Variants in RASGEF1C observed in about 807,000 individuals in gnomAD.
RASGEF1C encodes ras-GEF domain-containing family member 1C.
Under a neutral mutation model 58.1 loss-of-function variants are expected in RASGEF1C, and 27 were observed. The observed-to-expected ratio is 0.46, with a 90% CI of 0.34 to 0.64. The LOEUF is 0.64. Ranked by LOEUF, RASGEF1C falls within the 30% of genes least tolerant of loss-of-function variation. The probability of loss-of-function intolerance (pLI) is 0.01; values close to 1 mark genes in which losing one functional copy is unlikely to be tolerated. For synonymous variants in RASGEF1C, 243 were observed against 246.3 expected, an observed-to-expected ratio of 0.99 and a Z score of 0.13; for missense variants, 502 against 605.1, an observed-to-expected ratio of 0.83 and a Z score of 1.79.
chr5:180,187,103 G>C (rs1581126478), intron 1 of RASGEF1C, among the ~76,000 whole-genome samples: 2 of 152,186 alleles, frequency 1.3e-5, no homozygotes, highest in East Asian at 3.8e-4. Context: ...CAAAGCTACA[G>C]TAATCAAAAC....
intron 8 of RASGEF1C, 69 bp from the exon 9 acceptor site, chr5:180,118,935 C>T (rs1428060255): frequency 1.4e-6 from 2 of 1,419,686 alleles, no homozygotes; most frequent in South Asian, 2.3e-5. Flanking sequence ...GCTGCACCCC[C>T]TTGGACTGCA....
chr5:180,173,620 A>C (rs1409688761), intron 1 of RASGEF1C, among the ~76,000 whole-genome samples: 1 of 152,196 alleles, frequency 6.6e-6, no homozygotes, highest in East Asian at 1.9e-4. Flanking sequence ...AATGAGTTAA[A>C]ACTGGTGCAG....
intron 1 of RASGEF1C, among the ~76,000 whole-genome samples, chr5:180,163,105 A>G (rs1022549984): frequency 6.6e-6 from 1 of 152,096 alleles, no homozygotes; most frequent in Admixed American, 6.6e-5. Context: ...AAACCTATGC[A>G]TTAATTCTAG....
At chr5:180,169,177 C>T (rs990903623) in intron 1 of RASGEF1C, among the ~76,000 whole-genome samples, 2 of 152,046 alleles carry the variant, frequency 1.3e-5, no homozygotes, top group Admixed American at 6.5e-5. Context: ...TTTCTATTTA[C>T]GGGAAGTGAT....
chr5:180,105,086 A>G (rs999317616), intron 12 of RASGEF1C, among the ~76,000 whole-genome samples: 1 of 152,218 alleles, frequency 6.6e-6, no homozygotes, highest in Non-Finnish European at 1.5e-5. Flanking sequence ...GCAGTTTGAG[A>G]TGCAACAGCA....
chr5:180,112,090 C>T (rs1765968441), intron 11 of RASGEF1C, among the ~76,000 whole-genome samples: 1 of 152,160 alleles, frequency 6.6e-6, no homozygotes, highest in South Asian at 2.1e-4. Context: ...CACACAAGCA[C>T]CTTGTAGTCT....
At chr5:180,130,779 C>T (rs1178696520) in intron 4 of RASGEF1C, among the ~76,000 whole-genome samples, 1 of 152,140 alleles carries the variant, frequency 6.6e-6, no homozygotes, top group African/African-American at 2.4e-5. Flanking sequence ...TTACTTAGCT[C>T]CTGGCTGTTC....
intron 1 of RASGEF1C, among the ~76,000 whole-genome samples, chr5:180,175,046 G>T (rs1407885805): frequency 6.6e-6 from 1 of 152,126 alleles, no homozygotes; most frequent in Admixed American, 6.5e-5. Context: ...CAGCTCAGGT[G>T]GGGAAAGGCC....
chr5:180,105,722 G>T (rs981794042), intron 12 of RASGEF1C, among the ~76,000 whole-genome samples: 19 of 152,200 alleles, frequency 1.2e-4, no homozygotes, highest in African/African-American at 3.9e-4. Flanking sequence ...ACAAAAATTA[G>T]CTGGGCGTGG....
intron 1 of RASGEF1C, among the ~76,000 whole-genome samples, chr5:180,161,515 G>A (rs1379538623): frequency 2.6e-5 from 4 of 152,246 alleles, no homozygotes; most frequent in Non-Finnish European, 5.9e-5. Flanking sequence ...TCGCCGTGGC[G>A]TCTTGAGGAC....
At chr5:180,189,402 G>A (rs1285145939) in intron 1 of RASGEF1C, among the ~76,000 whole-genome samples, 1 of 152,158 alleles carries the variant, frequency 6.6e-6, no homozygotes, top group Non-Finnish European at 1.5e-5. Flanking sequence ...AAAATGCCAA[G>A]AACTGGAAGA....
At chr5:180,195,067 A>G (rs917760520) in intron 1 of RASGEF1C, among the ~76,000 whole-genome samples, 2 of 152,238 alleles carry the variant, frequency 1.3e-5, no homozygotes, top group Non-Finnish European at 2.9e-5. Context: ...GCTGCAGAGA[A>G]CAGCCTGGAG....
chr5:180,190,749 T>C (rs1756150332), intron 1 of RASGEF1C, among the ~76,000 whole-genome samples: 1 of 151,942 alleles, frequency 6.6e-6, no homozygotes, highest in African/African-American at 2.4e-5. Context: ...TAGAATAAAA[T>C]GTAGGAGAAA....
At chr5:180,118,501 C>A (rs922026464) in intron 10 of RASGEF1C, 108 bp downstream of exon 10, 1 of 1,026,862 alleles carries the variant, frequency 9.7e-7, no homozygotes, top group Non-Finnish European at 1.4e-6. Flanking sequence ...GGAGACCTGG[C>A]TGTCTATTAC....
intron 1 of RASGEF1C, among the ~76,000 whole-genome samples, chr5:180,206,457 G>A (rs1362359214): frequency 6.6e-6 from 1 of 152,154 alleles, no homozygotes; most frequent in East Asian, 1.9e-4. Flanking sequence ...AACCAGCGAG[G>A]CTGTGGGGAA....
intron 6 of RASGEF1C, among the ~76,000 whole-genome samples, chr5:180,124,637 C>T (rs1329679271): frequency 6.6e-6 from 1 of 151,942 alleles, no homozygotes; most frequent in East Asian, 1.9e-4. Flanking sequence ...ACAGCCTGAC[C>T]AACATGGTGA....
At chr5:180,174,575 TGTGTGTGCGCAC>T (rs1561751510) in intron 1 of RASGEF1C, among the ~76,000 whole-genome samples, 1 of 148,062 alleles carries the variant, frequency 6.8e-6, no homozygotes. Context: ...CACGTGTGTC[TGTGTGTGCGCAC>T]GTGTGTGTGT....
intron 1 of RASGEF1C, among the ~76,000 whole-genome samples, chr5:180,204,775 A>C (rs1330527109): frequency 6.6e-6 from 1 of 152,212 alleles, no homozygotes. Context: ...TCCAATATTT[A>C]ATACTGAATT....
chr5:180,185,258 T>C (rs918517650), intron 1 of RASGEF1C, among the ~76,000 whole-genome samples: 2 of 147,540 alleles, frequency 1.4e-5, no homozygotes, highest in Admixed American at 1.4e-4. Context: ...GCCACTGCAC[T>C]CCAGCCTGAG....
Sources: allele counts gnomAD v4.1 joint callset (sites outside exome capture counted in the v4.1 genomes callset), GRCh38; gene constraint gnomAD v4.1.1; transcripts MANE v1.5; gene names NCBI Gene and HGNC (gene_info 2026-07-23, HGNC 2026-07-21).